FMN1: variants seen among roughly 807,000 people sequenced by gnomAD.
FMN1 encodes the protein formin 1.
FMN1 carries 110 observed loss-of-function variants against 132.4 expected under a neutral mutation model. That is an observed-to-expected ratio of 0.83 (90% CI 0.71 to 0.97). The LOEUF (loss-of-function observed/expected upper bound fraction) is 0.97, where lower values mean the gene tolerates loss of function less well. Among genes scored for constraint, FMN1 ranks in the 50% least tolerant of loss-of-function variants. The probability of loss-of-function intolerance (pLI) is 0.00; values close to 1 mark genes in which losing one functional copy is unlikely to be tolerated. For missense variants in FMN1, 1,792 were observed against 1,705.3 expected (o/e 1.05, Z -0.90); for synonymous variants, 722 against 651.7 (o/e 1.11, Z -1.64).
At chr15:32,909,222 T>A (rs1488914271) in intron 11 of FMN1, among the ~76,000 whole-genome samples, 1 of 152,098 alleles carries the variant, frequency 6.6e-6, no homozygotes, top group African/African-American at 2.4e-5. Context: ...ACAAAGTTCT[T>A]TAACATGAAC....
intron 16 of FMN1, among the ~76,000 whole-genome samples, chr15:32,874,291 G>C (rs1033566957): frequency 7.2e-5 from 11 of 152,072 alleles, no homozygotes; most frequent in African/African-American, 2.4e-4. Flanking sequence ...AAAGTGCTGG[G>C]ATTACAGGTG....
chr15:32,922,811 G>A (rs184419521), intron 10 of FMN1, among the ~76,000 whole-genome samples: 6 of 152,258 alleles, frequency 3.9e-5, no homozygotes, highest in East Asian at 1.9e-4. Context: ...CAAGAATCAC[G>A]TACTGTATTT....
chr15:32,845,365 G>A lies in FMN1; in HGVS notation c.3928+11650C>T, dbSNP rs2058832223. 2.0e-5 allele frequency among the ~76,000 whole-genome samples: 3 copies of A among 152,270 alleles called. No homozygotes were observed. The East Asian group carries it at 5.8e-4, about 29-fold the overall frequency. On this transcript the variant is annotated intron_variant, in intron 17 of 20. Coordinates refer to ENST00000616417, the MANE Select transcript of FMN1 (RefSeq NM_001277313.2). ...AAACTTTGTTGTTATTGTTGGGAAA[G>A]GTAAAAGAGGACCTCTATTAAGACC...
chr15:32,969,777 A>G (rs2031624392), intron 7 of FMN1, among the ~76,000 whole-genome samples: 1 of 152,246 alleles, frequency 6.6e-6, no homozygotes, highest in Non-Finnish European at 1.5e-5. Context: ...CAATTTGCAT[A>G]TCAAACACAA....
At chr15:32,877,340 GAATT>G (rs891472459) in intron 16 of FMN1, among the ~76,000 whole-genome samples, 11 of 151,048 alleles carry the variant, frequency 7.3e-5, no homozygotes. Context: ...TTTGAGGCAT[GAATT>G]AATTCAAGAG....
chr15:32,988,196 A>C (rs1007998685), intron 7 of FMN1, among the ~76,000 whole-genome samples: 22 of 152,120 alleles, frequency 1.4e-4, no homozygotes, highest in African/African-American at 5.1e-4. Context: ...CACAAATCAG[A>C]AAAAAATCAT....
At position 32,892,651 on chromosome 15, in the gene FMN1, A is replaced by C. The variant is rs566681307; in HGVS notation, c.3715-4359T>G. On this transcript the variant is annotated intron_variant, in intron 15 of 20. Transcript: ENST00000616417. ...AGGATTGTTATCAATTCTCCTTTGA[A>C]TGTCTGGTAGAATTCTGCTGTAAAT... Among the ~76,000 whole-genome samples the C allele has an allele frequency of 3.7e-4, 57 of 152,180 alleles. No individual in the cohort carries two copies. In the South Asian group the frequency reaches 0.012, roughly 31 times the overall value.
Position 33,106,151 on chromosome 15 carries a change from T to C in FMN1, c.1868-17177A>G, listed in dbSNP as rs746994986. 8 of 152,128 alleles carry C rather than the reference T, an allele frequency of 5.3e-5. 1 individual carries two copies. The East Asian group carries it at 9.6e-4, about 18-fold the overall frequency. The allele number at this position is 152,128 out of a possible 1,614,324, so 9.4% of individuals were successfully genotyped here. The stretch of plus-strand genomic sequence containing the variant: ...GAAAATATCCAGGAACTTTTGCTTA[T>C]GGGATTCTCAGTACTTCCTGGTTGC... On this transcript the variant is annotated intron_variant, in intron 4 of 20. Transcript: ENST00000616417.
intron 19 of FMN1, among the ~76,000 whole-genome samples, chr15:32,784,840 G>T (rs1013961956): frequency 3.9e-5 from 6 of 151,980 alleles, no homozygotes; most frequent in African/African-American, 1.5e-4. Context: ...TTTTATTTAT[G>T]GTCTTTTCTG....
chr15:32,950,054 C>CATATATATATATACACATATACACAT (rs1567449834), intron 9 of FMN1, among the ~76,000 whole-genome samples: 1 of 4,914 alleles, frequency 2.0e-4, no homozygotes, highest in Non-Finnish European at 5.3e-4. Flanking sequence ...TATATATACA[C>CATATATATATATACACATATACACAT]ATATATATAT....
chr15:33,130,254 T>C (rs956277322), intron 4 of FMN1, among the ~76,000 whole-genome samples: 1 of 152,316 alleles, frequency 6.6e-6, no homozygotes, highest in African/African-American at 2.4e-5. Context: ...TTTATGTCAT[T>C]GAGGAGAAAT....
intron 7 of FMN1, among the ~76,000 whole-genome samples, chr15:32,999,645 T>C (rs1239654411): frequency 6.6e-6 from 1 of 152,196 alleles, no homozygotes; most frequent in Non-Finnish European, 1.5e-5. Context: ...AATATGCATG[T>C]GATAAATGGG....
chr15:32,777,640 C>A (rs2056483371), intron 19 of FMN1, among the ~76,000 whole-genome samples: 1 of 130,098 alleles, frequency 7.7e-6, no homozygotes, highest in African/African-American at 2.9e-5. Context: ...TTACGTATAA[C>A]ATAACACATT....
intron 6 of FMN1, among the ~76,000 whole-genome samples, chr15:33,042,938 C>A (rs183343403): frequency 4.5e-4 from 69 of 152,144 alleles, no homozygotes; most frequent in Admixed American, 1.1e-3. Context: ...TACCCCTTAA[C>A]ATATCCTTAT....
At chr15:32,836,155 A>G (rs79916671) in intron 17 of FMN1, among the ~76,000 whole-genome samples, 2 of 152,072 alleles carry the variant, frequency 1.3e-5, no homozygotes, top group East Asian at 3.9e-4. Context: ...GCGACTGCTC[A>G]CAGCTGGGAT....
chr15:32,946,428 GAGATGCCT>G (rs1214192876), intron 9 of FMN1, among the ~76,000 whole-genome samples: 7 of 152,176 alleles, frequency 4.6e-5, no homozygotes, highest in Admixed American at 4.6e-4. Context: ...GATTTGCCCA[GAGATGCCT>G]AGATGCCTGA....
intron 12 of FMN1, among the ~76,000 whole-genome samples, chr15:32,902,669 A>G (rs1238188885): frequency 6.6e-6 from 1 of 152,212 alleles, no homozygotes; most frequent in South Asian, 2.1e-4. Context: ...TAGACAACCT[A>G]AAGTTTCCTT....
intron 16 of FMN1, among the ~76,000 whole-genome samples, chr15:32,875,634 G>C (rs1464415996): frequency 6.6e-6 from 1 of 152,190 alleles, no homozygotes; most frequent in East Asian, 1.9e-4. Context: ...ATCTACGAGA[G>C]ATAAGGATAT....
intron 16 of FMN1, among the ~76,000 whole-genome samples, chr15:32,859,676 T>G (rs943252585): frequency 6.6e-6 from 1 of 152,234 alleles, no homozygotes; most frequent in Non-Finnish European, 1.5e-5. Context: ...GAAGTCATCA[T>G]GCAGGATTCA....
Sources: allele counts gnomAD v4.1 joint callset (sites outside exome capture counted in the v4.1 genomes callset), GRCh38; gene constraint gnomAD v4.1.1; transcripts MANE v1.5; gene names NCBI Gene and HGNC (gene_info 2026-07-23, HGNC 2026-07-21).